The following MUC13 variants were observed in gnomAD, a reference collection of about 807,000 sequenced individuals.
MUC13 encodes mucin-13.
A neutral mutation model predicts 48.3 loss-of-function variants in MUC13; 32 were observed. That is an observed-to-expected ratio of 0.66 (90% confidence interval 0.50 to 0.89). The LOEUF (loss-of-function observed/expected upper bound fraction) is 0.89, where lower values mean the gene tolerates loss of function less well. Ranked by LOEUF, MUC13 falls within the 40% of genes least tolerant of loss-of-function variation. MUC13 has a pLI of 0.00. For synonymous variants in MUC13, 199 were observed against 224.9 expected, an observed-to-expected ratio of 0.88 and a Z score of 1.03; for missense variants, 571 against 622.8, an observed-to-expected ratio of 0.92 and a Z score of 0.88.
chr3:124,914,865 G>T (rs1667692909), intron 6 of MUC13, among the ~76,000 whole-genome samples: 1 of 152,194 alleles, frequency 6.6e-6, no homozygotes, highest in African/African-American at 2.4e-5. Flanking sequence ...GTTGGAGGTT[G>T]TGGTGAGCCA....
chr3:124,919,162 C>A (rs1445817531), intron 5 of MUC13, among the ~76,000 whole-genome samples: 1 of 151,104 alleles, frequency 6.6e-6, no homozygotes, highest in Non-Finnish European at 1.5e-5. Flanking sequence ...ATGGTGAAAC[C>A]CCGTCTCTAC....
chr3:124,910,534 C>G, intron 9 of MUC13, 35 bp from the exon 10 acceptor site: 1 of 1,612,426 alleles, frequency 6.2e-7, no homozygotes, highest in Non-Finnish European at 8.5e-7. Flanking sequence ...CAGTCTCCAA[C>G]AAGCTGGCCC....
At chr3:124,932,784 G>A (rs1175665615) in intron 1 of MUC13, among the ~76,000 whole-genome samples, 7 of 152,018 alleles carry the variant, frequency 4.6e-5, no homozygotes, top group Admixed American at 3.3e-4. Flanking sequence ...CAGCTAATAA[G>A]TGGTGGCATG....
chr3:124,921,704 A>G (rs1559999420), intron 4 of MUC13, among the ~76,000 whole-genome samples: 1 of 152,238 alleles, frequency 6.6e-6, no homozygotes, highest in East Asian at 1.9e-4. Flanking sequence ...TTCAGATGTA[A>G]TTCTTCTTCT....
chr3:124,922,212 A>G lies in MUC13; in HGVS notation c.729T>C (p.Ser243=). ...AAATACTTACCAAGCTAGTAATTTCACTATGCAAGTCTTGATAGGCCATGG... is the reference window on the plus strand; with the variant it reads ...AAATACTTACCAAGCTAGTAATTTCGCTATGCAAGTCTTGATAGGCCATGG... The part of the protein sequence containing the change: ...KHSMAYQDLH[S]EITSLFKDVF... The change falls in exon 4 of 12, where the codon AGT becomes AGC. Residue 243 remains serine, a synonymous_variant. Coordinates refer to ENST00000616727, the MANE Select transcript of MUC13 (RefSeq NM_033049.4). The G allele has an allele frequency of 6.2e-7, 1 of 1,613,974 alleles. No individual in the cohort carries two copies. The highest frequency in any genetic ancestry group is 8.5e-7 in the Non-Finnish European group (1 of 1,179,982).
At chr3:124,915,909 C>T (rs1434199923) in intron 6 of MUC13, among the ~76,000 whole-genome samples, 1 of 152,190 alleles carries the variant, frequency 6.6e-6, no homozygotes, top group East Asian at 1.9e-4. Context: ...AACTCCTGGG[C>T]TCAAGGAATC....
chr3:124,917,161 T>G (rs551476254), intron 5 of MUC13, among the ~76,000 whole-genome samples: 14 of 152,238 alleles, frequency 9.2e-5, no homozygotes, highest in African/African-American at 3.1e-4. Context: ...GCACTGCAGT[T>G]CGGAGCCCTA....
intron 6 of MUC13, 75 bp downstream of exon 6, chr3:124,916,242 C>T (rs1354322448): frequency 1.8e-6 from 2 of 1,122,754 alleles, no homozygotes; most frequent in Non-Finnish European, 2.6e-6. Flanking sequence ...CTCCTTTTCA[C>T]ATATAATGAA....
rs1258046581 is a variant in MUC13 at position 124,927,209 on chromosome 3, C to T, written c.514+323G>A. On this transcript the variant is annotated intron_variant, in intron 2 of 11. Coordinates refer to ENST00000616727, the MANE Select transcript of MUC13 (RefSeq NM_033049.4). ...CCTGGTCTTCTCAGAGCAGCTGAAA[C>T]TATTTCTAAAAATCCCCTAGGGAGA... Among the ~76,000 whole-genome samples the T allele has an allele frequency of 2.0e-5, 3 of 152,096 alleles. No homozygotes were observed. The East Asian group carries it at 5.8e-4, about 29-fold the overall frequency.
chr3:124,912,042 G>A, intron 9 of MUC13, 62 bp downstream of exon 9: 1 of 1,580,878 alleles, frequency 6.3e-7, no homozygotes, highest in Non-Finnish European at 8.6e-7. Flanking sequence ...GTTGAATGGG[G>A]TCACTATTGA....
rs750873193 is a variant in MUC13 at position 124,927,878 on chromosome 3, G to A, written c.168C>T (p.Thr56=). The part of the protein sequence containing the change: ...TETNFPETAS[T]TANTPSFPTA... ...TTGGGAAAGAAGGTGTATTTGCTGT[G>A]GTGCTAGCAGTTTCAGGGAAATTAG... is the stretch of plus-strand genomic sequence containing the variant. Residue 56 remains threonine, a synonymous_variant, in exon 2 of 12, where the codon ACC becomes ACT. Coordinates refer to ENST00000616727, the MANE Select transcript of MUC13 (RefSeq NM_033049.4). 9.3e-6 allele frequency: 15 copies of A among 1,613,766 alleles called. No homozygotes were observed. The highest frequency in any genetic ancestry group is 1.6e-4 in the Middle Eastern group (1 of 6,084).
At chr3:124,918,346 G>A (rs1200097792) in intron 5 of MUC13, among the ~76,000 whole-genome samples, 1 of 152,152 alleles carries the variant, frequency 6.6e-6, no homozygotes, top group Admixed American at 6.5e-5. Flanking sequence ...ATGCCTCTGA[G>A]CTCACAGGTG....
At chr3:124,907,684 G>T (rs1272573097) in intron 11 of MUC13, among the ~76,000 whole-genome samples, 1 of 150,862 alleles carries the variant, frequency 6.6e-6, no homozygotes, top group Non-Finnish European at 1.5e-5. Flanking sequence ...AGAGAGAGTT[G>T]CCTTGAGATC....
chr3:124,920,172 A>C (rs1184420262), intron 5 of MUC13, 62 bp downstream of exon 5: 3 of 1,433,086 alleles, frequency 2.1e-6, no homozygotes, highest in Non-Finnish European at 2.9e-6. Context: ...GCAGACCTCA[A>C]GAGAAGCTCG....
rs1935318716 is a variant in MUC13, at chr3:124,906,334, G to C, written c.*409C>G. 1 of 152,538 alleles carries C rather than the reference G, an allele frequency of 6.6e-6. No homozygotes were observed. Among genetic ancestry groups the C allele is most frequent in the East Asian group, 1.9e-4 (1 of 5,204 alleles). 9.4% of individuals were successfully genotyped at this position (152,538 alleles called of 1,614,324 possible). ...CAGTTGATGCGTATGTCTCCCAGGG[G>C]AATTAGGTCACTTAACTCAAGAGCA... On this transcript the variant is annotated 3_prime_UTR_variant, in exon 12 of 12. Transcript: ENST00000616727.
In MUC13 at chr3:124,927,522, T is replaced by C. The variant is rs570842060; in HGVS notation, c.514+10A>G. ...CATCCTTGGGGAGTCTTTGAGGGAATTGTCCTTACCTGTGCTGTTTAGGGT... is the reference window on the plus strand; with the variant it reads ...CATCCTTGGGGAGTCTTTGAGGGAACTGTCCTTACCTGTGCTGTTTAGGGT... On this transcript the variant is annotated intron_variant, in intron 2 of 11. Coordinates refer to ENST00000616727, the MANE Select transcript of MUC13 (RefSeq NM_033049.4). 1 of 1,611,168 alleles carries C rather than the reference T, an allele frequency of 6.2e-7. No homozygotes were observed. Among genetic ancestry groups the C allele is most frequent in the Non-Finnish European group, 8.5e-7 (1 of 1,177,822 alleles).
chr3:124,910,783 G>A (rs1198625703), intron 9 of MUC13, among the ~76,000 whole-genome samples: 1 of 152,190 alleles, frequency 6.6e-6, no homozygotes, highest in Non-Finnish European at 1.5e-5. Flanking sequence ...TGTGGGGAGT[G>A]GAGTATCAGC....
Position 124,913,549 on chromosome 3 carries a change from G to T in MUC13, c.1084+13C>A. The T allele has an allele frequency of 6.2e-7, 1 of 1,614,170 alleles. No individual in the cohort carries two copies. ...TGTTATGAAGAACATTTAGAAGCAGGTGAAACACTTACCAACGCAGAAAGG... is the reference window on the plus strand; with the variant it reads ...TGTTATGAAGAACATTTAGAAGCAGTTGAAACACTTACCAACGCAGAAAGG... On this transcript the variant is annotated intron_variant, in intron 7 of 11. Coordinates refer to ENST00000616727, the MANE Select transcript of MUC13 (RefSeq NM_033049.4).
intron 1 of MUC13, among the ~76,000 whole-genome samples, chr3:124,933,851 C>T (rs1935838982): frequency 6.6e-6 from 1 of 152,166 alleles, no homozygotes; most frequent in South Asian, 2.1e-4. Flanking sequence ...CCTCCACAAC[C>T]CTCACCTCTC....
Sources: gnomAD v4.1 joint callset for allele counts (sites outside exome capture counted in the v4.1 genomes callset) on GRCh38, gnomAD v4.1.1 for gene constraint, MANE v1.5 for transcripts, NCBI Gene and HGNC (gene_info 2026-07-23, HGNC 2026-07-21) for gene names.